The following PCSK5 variants were observed in gnomAD, a reference collection of about 807,000 sequenced individuals.
PCSK5 encodes prohormone convertase 5.
A neutral mutation model predicts 233.2 loss-of-function variants in PCSK5; 129 were observed. That is an observed-to-expected ratio of 0.55 (90% CI 0.48 to 0.64). The LOEUF (loss-of-function observed/expected upper bound fraction) is 0.64. PCSK5 is among the 30% of genes least tolerant of loss of function. The pLI, the probability that PCSK5 is intolerant of heterozygous loss-of-function variation, is 0.00. For missense variants in PCSK5, 2,076 were observed against 2,430.1 expected, an observed-to-expected ratio of 0.85 and a Z score of 3.06; for synonymous variants, 825 against 879.2, an observed-to-expected ratio of 0.94 and a Z score of 1.09.
At chr9:76,156,963 G>A in intron 10 of PCSK5, 82 bp from the exon 11 acceptor site, 1 of 848,228 alleles carries the variant, frequency 1.2e-6, no homozygotes. Context: ...CCCATAGGGT[G>A]GTGTCTGGGG....
chr9:75,957,232 A>G (rs1490200590), intron 2 of PCSK5, among the ~76,000 whole-genome samples: 1 of 152,182 alleles, frequency 6.6e-6, no homozygotes, highest in East Asian at 1.9e-4. Context: ...ATCTTGACTC[A>G]GTCCTGGCAG....
chr9:75,992,830 C>G (rs1826831673), intron 3 of PCSK5, among the ~76,000 whole-genome samples: 1 of 152,104 alleles, frequency 6.6e-6, no homozygotes. Context: ...CATGAACGCT[C>G]TCTGGGTGGT....
chr9:76,124,609 G>T (rs7341894), intron 9 of PCSK5, among the ~76,000 whole-genome samples: 71,216 of 151,396 alleles, frequency 0.47, 17,148 homozygotes, highest in Admixed American at 0.52. Context: ...TCCGGGCATG[G>T]TGGTGTGGGC....
chr9:76,156,967 T>A lies in PCSK5; in HGVS notation c.1313-78T>A. Reference sequence around the variant, plus strand: ...ATAGCTAGGATCCCATAGGGTGGTGTCTGGGGTCTCTACTGAGTGACGTTA... The same window carrying A: ...ATAGCTAGGATCCCATAGGGTGGTGACTGGGGTCTCTACTGAGTGACGTTA... On this transcript the variant is annotated intron_variant, in intron 10 of 37. Coordinates refer to ENST00000674117, the MANE Select transcript of PCSK5 (RefSeq NM_001372043.1). The A allele has an allele frequency of 3.3e-6, 3 of 914,466 alleles. No individual in the cohort carries two copies. In the South Asian group the frequency reaches 4.0e-5, roughly 12 times the overall value. 56.6% of individuals were successfully genotyped at this position (914,466 alleles called of 1,614,324 possible).
chr9:75,938,172 C>G (rs181401098), intron 2 of PCSK5, among the ~76,000 whole-genome samples: 2 of 152,268 alleles, frequency 1.3e-5, no homozygotes, highest in Admixed American at 6.5e-5. Context: ...GTAATCATTT[C>G]TAGCTTTTGA....
At chr9:75,904,382 A>C (rs1826175310) in intron 1 of PCSK5, among the ~76,000 whole-genome samples, 1 of 152,232 alleles carries the variant, frequency 6.6e-6, no homozygotes, top group Non-Finnish European at 1.5e-5. Flanking sequence ...AATATTTGCA[A>C]ATCATATCTG....
At chr9:76,297,672 G>A (rs1023685987) in intron 27 of PCSK5, among the ~76,000 whole-genome samples, 6 of 152,160 alleles carry the variant, frequency 3.9e-5, no homozygotes, top group East Asian at 1.9e-4. Context: ...TGTTCTATGC[G>A]GAGACAGTCA....
intron 2 of PCSK5, among the ~76,000 whole-genome samples, chr9:75,972,475 G>A (rs1825850672): frequency 6.6e-6 from 1 of 152,180 alleles, no homozygotes; most frequent in Non-Finnish European, 1.5e-5. Context: ...TGGGCAGTAT[G>A]ACCATTTTCA....
intron 8 of PCSK5, among the ~76,000 whole-genome samples, chr9:76,097,709 T>G (rs1300488548): frequency 2.6e-5 from 4 of 152,206 alleles, no homozygotes; most frequent in Non-Finnish European, 5.9e-5. Flanking sequence ...AGCACATAGT[T>G]CATGGAGTCA....
At chr9:76,082,797 G>C (rs776625196) in intron 7 of PCSK5, among the ~76,000 whole-genome samples, 3 of 151,880 alleles carry the variant, frequency 2.0e-5, no homozygotes, top group Non-Finnish European at 2.9e-5. Flanking sequence ...ACAATTTCCT[G>C]ACAAGTGTGT....
chr9:76,072,667 G>A (rs1830519767), intron 7 of PCSK5, among the ~76,000 whole-genome samples: 2 of 152,060 alleles, frequency 1.3e-5, no homozygotes, highest in Admixed American at 6.5e-5. Context: ...GCCCTAACCT[G>A]CCTTTTCTTC....
chr9:76,127,293 T>G (rs1822548849), intron 9 of PCSK5, among the ~76,000 whole-genome samples: 1 of 152,180 alleles, frequency 6.6e-6, no homozygotes, highest in African/African-American at 2.4e-5. Flanking sequence ...GCTAGGCAAA[T>G]AAGTATACTT....
At chr9:75,933,084 T>C (rs1008302129) in intron 2 of PCSK5, among the ~76,000 whole-genome samples, 3 of 152,134 alleles carry the variant, frequency 2.0e-5, no homozygotes, top group Non-Finnish European at 4.4e-5. Flanking sequence ...GACGTACCCC[T>C]GGGAGAGCCT....
chr9:76,197,966 A>G lies in PCSK5; in HGVS notation c.2626+8220A>G, dbSNP rs373047480. Among the ~76,000 whole-genome samples, 19 of 152,362 alleles carry G rather than the reference A, an allele frequency of 1.2e-4. No individual in the cohort carries two copies. In the South Asian group the frequency reaches 2.3e-3, roughly 18 times the overall value. On this transcript the variant is annotated intron_variant, in intron 20 of 37. Coordinates refer to ENST00000674117, the MANE Select transcript of PCSK5 (RefSeq NM_001372043.1). Reference sequence around the variant, plus strand: ...GGTGGACTTAATTTCACTGTAGCTCATTAGAACTACTTGGCACCTAGAAAT... The same window carrying G: ...GGTGGACTTAATTTCACTGTAGCTCGTTAGAACTACTTGGCACCTAGAAAT...
intron 20 of PCSK5, among the ~76,000 whole-genome samples, chr9:76,215,824 C>T (rs1825506599): frequency 6.6e-6 from 1 of 152,102 alleles, no homozygotes; most frequent in Non-Finnish European, 1.5e-5. Context: ...CCTGTAGTCC[C>T]AGCTACTCAG....
chr9:76,251,662 C>T (rs1289578141), intron 24 of PCSK5, among the ~76,000 whole-genome samples: 2 of 151,550 alleles, frequency 1.3e-5, no homozygotes, highest in Non-Finnish European at 2.9e-5. Context: ...AATACAGTAA[C>T]TGAATTGCTA....
chr9:76,261,902 T>C (rs930166914), intron 24 of PCSK5, among the ~76,000 whole-genome samples: 2 of 152,208 alleles, frequency 1.3e-5, no homozygotes, highest in Admixed American at 6.5e-5. Flanking sequence ...AAGGAGATTT[T>C]GGGCTGAGAT....
intron 3 of PCSK5, among the ~76,000 whole-genome samples, chr9:76,009,128 G>A (rs1010137969): frequency 4.6e-5 from 7 of 152,056 alleles, no homozygotes; most frequent in Middle Eastern, 3.2e-3. Context: ...ACCTGGGATG[G>A]TGCTGAGCAA....
intron 24 of PCSK5, among the ~76,000 whole-genome samples, chr9:76,285,664 T>C (rs1564156571): frequency 6.6e-6 from 1 of 152,156 alleles, no homozygotes; most frequent in Non-Finnish European, 1.5e-5. Context: ...CCACCAGTTT[T>C]GCGGAGGGTT....
Sources: allele counts gnomAD v4.1 joint callset (sites outside exome capture counted in the v4.1 genomes callset), GRCh38; gene constraint gnomAD v4.1.1; transcripts MANE v1.5; gene names NCBI Gene and HGNC (gene_info 2026-07-23, HGNC 2026-07-21).